The following LINC00632 variants were observed in gnomAD, a reference collection of about 807,000 sequenced individuals.
LINC00632 encodes ALDOA related specific transcript.
intron 2 of LINC00632, among the ~76,000 whole-genome samples, chrX:140,727,983 G>A (rs1224466801): frequency 8.9e-6 from 1 of 111,788 alleles, no homozygotes; most frequent in Non-Finnish European, 1.9e-5. Flanking sequence ...GCTCACGCCT[G>A]TAATCCCAGC....
At chrX:140,756,352 C>T (rs1353695382) in intron 3 of LINC00632, among the ~76,000 whole-genome samples, 1 of 112,344 alleles carries the variant, frequency 8.9e-6, no homozygotes. Flanking sequence ...ATAAAAATGA[C>T]ATGCTTTGCA....
exon 5 of LINC00632, among the ~76,000 whole-genome samples, chrX:140,779,300 G>A (rs1452909439): frequency 1.8e-5 from 2 of 111,853 alleles, no homozygotes; most frequent in South Asian, 7.4e-4. Context: ...AGGCTGATGA[G>A]ATGTGAAGAA....
chrX:140,713,465 G>A, intron 2 of LINC00632: 1 of 323,852 alleles, frequency 3.1e-6, no homozygotes, highest in Non-Finnish European at 6.2e-6. Flanking sequence ...GTTTAGAACA[G>A]TGTCTGGCAC....
intron 3 of LINC00632, among the ~76,000 whole-genome samples, chrX:140,761,286 T>C (rs1923636737): frequency 8.9e-6 from 1 of 112,468 alleles, no homozygotes; most frequent in South Asian, 3.7e-4. Context: ...TAACCTTTGG[T>C]TCATTTAATC....
At chrX:140,717,469 A>G (rs1489246933) in intron 2 of LINC00632, among the ~76,000 whole-genome samples, 1 of 110,547 alleles carries the variant, frequency 9.0e-6, no homozygotes, top group Non-Finnish European at 1.9e-5. Flanking sequence ...ACACAAAACC[A>G]TCCCAACTGC....
chrX:140,762,742 T>G lies in LINC00632; in HGVS notation n.192-9336T>G, dbSNP rs773060451. On this transcript the variant is annotated intron_variant and non_coding_transcript_variant, in intron 3 of 4. Coordinates refer to ENST00000648200, the Ensembl canonical transcript of LINC00632. ...GGCATGAATAGGTTACTATAAACGTTTATTTATGGACACCGAATTTTGAAA... is the reference window on the plus strand; with the variant it reads ...GGCATGAATAGGTTACTATAAACGTGTATTTATGGACACCGAATTTTGAAA... 8.9e-5 allele frequency among the ~76,000 whole-genome samples: 10 copies of G among 112,355 alleles called. 1 individual carries two copies. Among genetic ancestry groups the G allele is most frequent in the Non-Finnish European group, 1.9e-4 (10 of 53,339 alleles).
chrX:140,741,130 G>T (rs758593988), intron 3 of LINC00632, among the ~76,000 whole-genome samples: 3 of 112,111 alleles, frequency 2.7e-5, no homozygotes, highest in Non-Finnish European at 1.9e-5. Flanking sequence ...CCCAGATAAG[G>T]CAATTGTTAG....
chrX:140,769,136 C>T (rs1390037942), intron 3 of LINC00632, among the ~76,000 whole-genome samples: 1 of 111,254 alleles, frequency 9.0e-6, no homozygotes, highest in African/African-American at 3.3e-5. Context: ...AGGACAAGGT[C>T]ACCGATGGTC....
At chrX:140,743,710 T>C (rs1931278797) in intron 3 of LINC00632, among the ~76,000 whole-genome samples, 1 of 111,548 alleles carries the variant, frequency 9.0e-6, no homozygotes. Context: ...ATTGTGAAGA[T>C]ACAAGCACGT....
intron 3 of LINC00632, among the ~76,000 whole-genome samples, chrX:140,736,824 T>C (rs1363241092): frequency 9.0e-6 from 1 of 110,618 alleles, no homozygotes; most frequent in East Asian, 2.8e-4. Context: ...TTTTTGATAA[T>C]AGGAGGTAGA....
chrX:140,765,651 T>C (rs757483797), intron 3 of LINC00632, among the ~76,000 whole-genome samples: 1 of 111,209 alleles, frequency 9.0e-6, no homozygotes, highest in East Asian at 2.8e-4. Flanking sequence ...TTAATGAGGA[T>C]CACACTCAAT....
At position 140,775,929 on chromosome X, in the gene LINC00632, G is replaced by GA. The variant is rs749882231; in HGVS notation, n.3958dup. 1.3e-4 allele frequency among the ~76,000 whole-genome samples: 14 copies of GA among 105,226 alleles called. 1 individual carries two copies. The East Asian group carries it at 1.5e-3, about 11-fold the overall frequency. The allele number at this position is 105,226 out of a possible 115,157, so 91.4% of individuals were successfully genotyped here. On this transcript the variant is annotated non_coding_transcript_exon_variant, in exon 5 of 5. Coordinates refer to ENST00000648200, the Ensembl canonical transcript of LINC00632. ...TGAGTTTGATATTTTGAAGGAAAAG[G>GA]AAAAAAAAAAGTTTAAAAGGGCTTC...
chrX:140,720,381 A>G (rs1437044996), intron 2 of LINC00632, among the ~76,000 whole-genome samples: 1 of 111,661 alleles, frequency 9.0e-6, no homozygotes, highest in Non-Finnish European at 1.9e-5. Flanking sequence ...ATAGAGATAC[A>G]TTATGCCACA....
chrX:140,748,884 TATAAA>T (rs1265916557), intron 3 of LINC00632, among the ~76,000 whole-genome samples: 1 of 106,383 alleles, frequency 9.4e-6, no homozygotes, highest in African/African-American at 3.4e-5. Flanking sequence ...TATAAAAATA[TATAAA>T]ATAAAATATA....
chrX:140,775,653 A>G (rs1317979622), exon 5 of LINC00632, among the ~76,000 whole-genome samples: 2 of 112,145 alleles, frequency 1.8e-5, no homozygotes, highest in East Asian at 5.6e-4. Flanking sequence ...AGAAAAGAAG[A>G]AAGATAATTC....
In LINC00632 at chrX:140,753,356, T is replaced by C. The variant is rs770828603; in HGVS notation, n.192-18722T>C. On this transcript the variant is annotated intron_variant and non_coding_transcript_variant, in intron 3 of 4. Coordinates refer to ENST00000648200, the Ensembl canonical transcript of LINC00632. ...ATGGGCACTTTCAGCTTTGAGTGTT[T>C]GTAACTTCGTGAAACATCTTCGCCT... Among the ~76,000 whole-genome samples the C allele has an allele frequency of 8.0e-5, 9 of 112,158 alleles. No individual in the cohort carries two copies. In the East Asian group the frequency reaches 2.5e-3, roughly 32 times the overall value.
intron 3 of LINC00632, among the ~76,000 whole-genome samples, chrX:140,741,025 C>T (rs956649589): frequency 3.6e-5 from 4 of 111,542 alleles, no homozygotes; most frequent in Non-Finnish European, 7.5e-5. Context: ...CTTATATTGA[C>T]TCCTTATTTT....
intron 2 of LINC00632, among the ~76,000 whole-genome samples, chrX:140,733,406 C>T (rs1931092484): frequency 9.0e-6 from 1 of 111,588 alleles, no homozygotes; most frequent in South Asian, 3.8e-4. Context: ...AAAAAACCTG[C>T]ATTTTTATCC....
chrX:140,711,584 T>A, intron 1 of LINC00632: 1 of 307,966 alleles, frequency 3.2e-6, no homozygotes, highest in Non-Finnish European at 6.4e-6. Context: ...TCTTTCCATA[T>A]AAATATCTGT....
Sources: gnomAD v4.1 joint callset for allele counts (sites outside exome capture counted in the v4.1 genomes callset) on GRCh38, gnomAD v4.1.1 for gene constraint, MANE v1.5 for transcripts, NCBI Gene and HGNC (gene_info 2026-07-23, HGNC 2026-07-21) for gene names.